Variants in FAM24B observed in about 807,000 individuals in gnomAD.
FAM24B encodes the protein family with sequence similarity 24 member B.
FAM24B carries 3 observed loss-of-function variants against 2.3 expected under a neutral mutation model. The observed-to-expected ratio is 1.29, with a 90% CI of 0.59 to 3.32. The LOEUF is 3.32. FAM24B is among the 30% of genes most tolerant of loss of function. The pLI, the probability that FAM24B is intolerant of heterozygous loss-of-function variation, is 0.03. For missense variants in FAM24B, 98 were observed against 117.2 expected (o/e 0.84, Z 0.76); for synonymous variants, 36 against 46.3 (o/e 0.78, Z 0.90).
At chr10:122,850,977 C>T (rs2133823744) in intron 2 of FAM24B, among the ~76,000 whole-genome samples, 1 of 152,298 alleles carries the variant, frequency 6.6e-6, no homozygotes, top group African/African-American at 2.4e-5. Flanking sequence ...CAAAGCTCTT[C>T]TGTGGAAATG....
intron 1 of FAM24B, among the ~76,000 whole-genome samples, chr10:122,871,769 C>T (rs1847901309): frequency 6.6e-6 from 1 of 151,946 alleles, no homozygotes; most frequent in Admixed American, 6.6e-5. Flanking sequence ...TTCCTTACAC[C>T]TTATACAAAA....
chr10:122,875,341 T>C (rs1847960529), intron 1 of FAM24B, among the ~76,000 whole-genome samples: 1 of 152,218 alleles, frequency 6.6e-6, no homozygotes, highest in Admixed American at 6.5e-5. Context: ...ATCTGCTTTT[T>C]CCATTAGAGC....
intron 1 of FAM24B, among the ~76,000 whole-genome samples, chr10:122,867,727 G>A (rs886129934): frequency 6.6e-6 from 1 of 152,164 alleles, no homozygotes; most frequent in Non-Finnish European, 1.5e-5. Context: ...TGCAGCTGAG[G>A]GTCCTGAGAG....
At chr10:122,857,664 T>A (rs924210098) in intron 1 of FAM24B, among the ~76,000 whole-genome samples, 1 of 152,342 alleles carries the variant, frequency 6.6e-6, no homozygotes, top group Admixed American at 6.5e-5. Context: ...TGTATCTGTT[T>A]CCTTGTATTT....
intron 1 of FAM24B, among the ~76,000 whole-genome samples, chr10:122,874,406 C>T (rs1374075872): frequency 6.6e-6 from 1 of 152,180 alleles, no homozygotes; most frequent in East Asian, 1.9e-4. Flanking sequence ...TTCCTTCCCT[C>T]TGGAGAACTT....
intron 2 of FAM24B, among the ~76,000 whole-genome samples, chr10:122,852,355 T>C (rs1639997995): frequency 6.6e-6 from 1 of 152,196 alleles, no homozygotes; most frequent in African/African-American, 2.4e-5. Flanking sequence ...TCCTGGATGA[T>C]GAATAGGGAC....
chr10:122,853,296 C>T (rs1847573402), intron 2 of FAM24B, among the ~76,000 whole-genome samples: 2 of 152,238 alleles, frequency 1.3e-5, no homozygotes, highest in South Asian at 4.1e-4. Flanking sequence ...TGAGTGTTTC[C>T]TTACATTTTG....
At chr10:122,876,078 G>T (rs775871375) in intron 1 of FAM24B, among the ~76,000 whole-genome samples, 3 of 152,236 alleles carry the variant, frequency 2.0e-5, no homozygotes, top group Admixed American at 2.0e-4. Context: ...GTCCAACCAC[G>T]CACTTGATCT....
chr10:122,869,841 T>G (rs1404367975), intron 1 of FAM24B, among the ~76,000 whole-genome samples: 2 of 151,964 alleles, frequency 1.3e-5, no homozygotes, highest in East Asian at 3.9e-4. Context: ...AGGGAAGATC[T>G]AAAATTGACA....
At chr10:122,852,472 T>C (rs1847556563) in intron 2 of FAM24B, among the ~76,000 whole-genome samples, 1 of 152,184 alleles carries the variant, frequency 6.6e-6, no homozygotes, top group Non-Finnish European at 1.5e-5. Context: ...ACCAGGTTCT[T>C]ATAATGAAGA....
At chr10:122,857,755 G>A (rs948184045) in intron 1 of FAM24B, among the ~76,000 whole-genome samples, 1 of 152,202 alleles carries the variant, frequency 6.6e-6, no homozygotes, top group South Asian at 2.1e-4. Context: ...ATGACAAGAA[G>A]AATGTTATAA....
intron 2 of FAM24B, among the ~76,000 whole-genome samples, chr10:122,852,886 T>C (rs563629252): frequency 1.8e-4 from 27 of 152,164 alleles, no homozygotes; most frequent in Non-Finnish European, 3.5e-4. Context: ...GTCTAAAAGT[T>C]TTCTGTCTTG....
At chr10:122,852,807 C>T (rs1387306892) in intron 2 of FAM24B, among the ~76,000 whole-genome samples, 1 of 152,204 alleles carries the variant, frequency 6.6e-6, no homozygotes, top group African/African-American at 2.4e-5. Context: ...TCTACTCAGT[C>T]TTCGCTGGTG....
chr10:122,875,401 A>G lies in FAM24B; in HGVS notation c.-178+4084T>C, dbSNP rs564111663. Reference sequence around the variant, plus strand: ...TTAAATTCCCTACTTGAGAATTACAAAATCTGCATCATATGTAAGAATGGT... The same window carrying G: ...TTAAATTCCCTACTTGAGAATTACAGAATCTGCATCATATGTAAGAATGGT... On this transcript the variant is annotated intron_variant, in intron 1 of 3. Transcript: ENST00000368898. Among the ~76,000 whole-genome samples, 37 of 152,332 alleles carry G rather than the reference A, an allele frequency of 2.4e-4. No individual in the cohort carries two copies. The South Asian group carries it at 7.5e-3, about 31-fold the overall frequency.
At chr10:122,876,256 T>G (rs972932276) in intron 1 of FAM24B, among the ~76,000 whole-genome samples, 1 of 152,214 alleles carries the variant, frequency 6.6e-6, no homozygotes, top group Non-Finnish European at 1.5e-5. Context: ...TTGAGGTTGC[T>G]GCAGCCCCCT....
intron 1 of FAM24B, among the ~76,000 whole-genome samples, chr10:122,870,507 C>G (rs922245948): frequency 6.6e-6 from 1 of 152,178 alleles, no homozygotes; most frequent in Non-Finnish European, 1.5e-5. Flanking sequence ...AGACCAATAT[C>G]CTTGATGAAC....
intron 1 of FAM24B, 143 bp downstream of exon 1, chr10:122,879,342 G>A (rs141454863): frequency 7.8e-4 from 119 of 152,408 alleles, no homozygotes; most frequent in African/African-American, 2.8e-3. Context: ...AACCCGAATG[G>A]ACAGCGCTTC....
At chr10:122,863,772 G>A (rs111425250) in intron 1 of FAM24B, among the ~76,000 whole-genome samples, 3 of 152,336 alleles carry the variant, frequency 2.0e-5, no homozygotes, top group African/African-American at 7.2e-5. Context: ...TCTCCTGACT[G>A]TTTTTCCATT....
chr10:122,870,013 G>T (rs1168536486), intron 1 of FAM24B, among the ~76,000 whole-genome samples: 1 of 152,110 alleles, frequency 6.6e-6, no homozygotes. Context: ...TTTTTGAAAA[G>T]ATCAACAAAA....
Sources: gnomAD v4.1 joint callset for allele counts (sites outside exome capture counted in the v4.1 genomes callset) on GRCh38, gnomAD v4.1.1 for gene constraint, MANE v1.5 for transcripts, NCBI Gene and HGNC (gene_info 2026-07-23, HGNC 2026-07-21) for gene names.